WBP2: variants seen among roughly 807,000 people sequenced by gnomAD.
WBP2 encodes WW domain binding protein 2.
In WBP2, 23 loss-of-function variants were observed where a neutral mutation model predicts 33.0. That is an observed-to-expected ratio of 0.70 (90% confidence interval 0.50 to 0.99). The LOEUF is 0.99. Ranked by LOEUF, WBP2 falls within the 50% of genes least tolerant of loss-of-function variation. The pLI, the probability that WBP2 is intolerant of heterozygous loss-of-function variation, is 0.00. For missense variants in WBP2, 353 were observed against 358.0 expected, an observed-to-expected ratio of 0.99 and a Z score of 0.11; for synonymous variants, 153 against 133.5, an observed-to-expected ratio of 1.15 and a Z score of -1.01.
upstream of WBP2, chr17:75,855,459 C>T (rs879720622): frequency 1.4e-6 from 1 of 701,866 alleles, no homozygotes; most frequent in Non-Finnish European, 2.5e-6. Flanking sequence ...ATAGTTTACT[C>T]CCTCCTTCCA....
intron 2 of WBP2, chr17:75,851,159 G>GC: frequency 5.7e-6 from 1 of 175,138 alleles, no homozygotes; most frequent in Non-Finnish European, 1.3e-5. Context: ...TCTCTGCCCA[G>GC]TCCGGAGGCC....
At chr17:75,855,344 G>T (rs771302075), upstream of WBP2, 1 of 1,598,294 alleles carries the variant, frequency 6.3e-7, no homozygotes, top group Non-Finnish European at 8.5e-7. Flanking sequence ...ATGAGCTTGC[G>T]CCCCTCTTCG....
chr17:75,847,323 G>A, intron 6 of WBP2, 164 bp downstream of exon 6: 1 of 1,177,486 alleles, frequency 8.5e-7, no homozygotes, highest in Non-Finnish European at 1.2e-6. Context: ...CCAGAATCTA[G>A]CTCCGCTCCA....
At chr17:75,854,220 A>G (rs1444449495) in intron 1 of WBP2, among the ~76,000 whole-genome samples, 1 of 152,132 alleles carries the variant, frequency 6.6e-6, no homozygotes, top group Non-Finnish European at 1.5e-5. Context: ...CCCAAGTCAC[A>G]GGGCAGCTGG....
At chr17:75,855,455 T>C, upstream of WBP2, 1 of 716,120 alleles carries the variant, frequency 1.4e-6, no homozygotes, top group South Asian at 1.6e-5. Flanking sequence ...GGTAATAGTT[T>C]ACTCCCTCCT....
chr17:75,849,524 C>G, intron 3 of WBP2, 80 bp downstream of exon 3: 5 of 1,554,978 alleles, frequency 3.2e-6, no homozygotes, highest in Non-Finnish European at 4.4e-6. Flanking sequence ...CTGAAGGGGA[C>G]GCCCCCACGG....
intron 4 of WBP2, chr17:75,848,227 T>C: frequency 1.7e-6 from 1 of 584,746 alleles, no homozygotes; most frequent in Non-Finnish European, 3.1e-6. Flanking sequence ...GCGGAGGATG[T>C]CTGCTGGCCC....
intron 2 of WBP2, chr17:75,851,247 AAAC>A: frequency 4.2e-6 from 1 of 240,536 alleles, no homozygotes; most frequent in Non-Finnish European, 8.7e-6. Flanking sequence ...CTCTCACAGA[AAAC>A]AAAATATTAA....
chr17:75,851,660 C>G lies in WBP2; in HGVS notation c.76G>C (p.Asp26His). ...TCATTGAATGTGAGTTCCACGTGATCATAGGACATTAGGATGCTGTGATGA... is the reference window on the plus strand; with the variant it reads ...TCATTGAATGTGAGTTCCACGTGATGATAGGACATTAGGATGCTGTGATGA... ...NNTESILMSY[D>H]HVELTFNDMK... is the part of the protein sequence containing the mutation. Residue 26 changes from aspartate (D) to histidine (H), a missense_variant, in exon 2 of 8, where the codon GAT becomes CAT. By Grantham distance (81) the Asp-to-His change is moderately conservative. Transcript: ENST00000254806. The G allele has an allele frequency of 6.2e-7, 1 of 1,613,282 alleles. No homozygotes were observed. The highest frequency in any genetic ancestry group is 1.1e-5 in the South Asian group (1 of 91,032).
upstream of WBP2, among the ~76,000 whole-genome samples, chr17:75,855,690 C>T (rs991249798): frequency 6.6e-4 from 101 of 152,366 alleles, 1 homozygote; most frequent in African/African-American, 2.0e-3. Flanking sequence ...CCGCTCCTGG[C>T]AGGGGCGCGA....
In WBP2 at chr17:75,845,796, C is replaced by T. The variant is rs1423078286; in HGVS notation, c.*938G>A. On this transcript the variant is annotated 3_prime_UTR_variant, in exon 8 of 8. Transcript: ENST00000254806. ...TTAATATATTAACTGGATTTTTTGT[C>T]AAATAAATAGGGAATTCTCTTTAAA... 1 of 152,514 alleles carries T rather than the reference C, an allele frequency of 6.6e-6. No homozygotes were observed. The highest frequency in any genetic ancestry group is 1.5e-5 in the Non-Finnish European group (1 of 68,028). The allele number at this position is 152,514 out of a possible 1,614,324, so 9.4% of individuals were successfully genotyped here.
chr17:75,847,293 G>T, intron 6 of WBP2, 194 bp downstream of exon 6: 1 of 916,686 alleles, frequency 1.1e-6, no homozygotes. Flanking sequence ...CACATGGATA[G>T]CTAAGGGATG....
rs1187234035 is a variant in WBP2 at position 75,845,836 on chromosome 17, C to T, written c.*898G>A. 6.6e-6 allele frequency: 1 copy of T among 152,528 alleles called. No individual in the cohort carries two copies. Among genetic ancestry groups the T allele is most frequent in the Non-Finnish European group, 1.5e-5 (1 of 68,068 alleles). The allele number at this position is 152,528 out of a possible 1,614,324, so 9.4% of individuals were successfully genotyped here. A position where few individuals can be genotyped will look rare whatever the true frequency, so the allele number is the denominator to read the frequency against. ...TTCTCTTTAAATAACCATCTCCTCA[C>T]TTCATGGCCAGTCCAGGGACAAACA... is the stretch of plus-strand genomic sequence containing the variant. On this transcript the variant is annotated 3_prime_UTR_variant, in exon 8 of 8. Coordinates refer to ENST00000254806, the MANE Select transcript of WBP2 (RefSeq NM_012478.4).
chr17:75,855,263 C>T lies in WBP2; in HGVS notation c.35G>A (p.Gly12Glu), dbSNP rs1305432376. 6.2e-7 allele frequency: 1 copy of T among 1,607,546 alleles called. No individual in the cohort carries two copies. The highest frequency in any genetic ancestry group is 1.7e-5 in the Admixed American group (1 of 59,700). ...CCTCTCGGTGTTATTGACGATCACT[C>T]CGCCGCCCTCCGAGTGATTCTTGTT... is the stretch of plus-strand genomic sequence containing the variant. ...ALNKNHSEGG[G>E]VIVNNTESIL... is the part of the protein sequence containing the mutation. Residue 12 changes from glycine (G) to glutamate (E), a missense_variant, in exon 1 of 8, where the codon GGA becomes GAA. By Grantham distance (98) the Gly-to-Glu change is moderately conservative. Transcript: ENST00000254806.
intron 1 of WBP2, 27 bp downstream of exon 1, chr17:75,855,212 T>C (rs1348938186): frequency 1.3e-5 from 18 of 1,390,264 alleles, no homozygotes; most frequent in Non-Finnish European, 1.5e-5. Context: ...ACTTTGGTCC[T>C]CCAGGATCCT....
In WBP2 at chr17:75,845,875, G is replaced by T. The variant is rs1399838966; in HGVS notation, c.*859C>A. The T allele has an allele frequency of 1.3e-5, 2 of 152,610 alleles. No homozygotes were observed. The highest frequency in any genetic ancestry group is 1.3e-4 in the Admixed American group (2 of 15,290). 9.5% of individuals were successfully genotyped at this position (152,610 alleles called of 1,614,324 possible). ...CAGGGACAAACAAGAGTGAATGTTA[G>T]CGCATCCAGGGGCACAAAGCTTAAG... is the stretch of plus-strand genomic sequence containing the variant. On this transcript the variant is annotated 3_prime_UTR_variant, in exon 8 of 8. Coordinates refer to ENST00000254806, the MANE Select transcript of WBP2 (RefSeq NM_012478.4).
intron 5 of WBP2, 56 bp from the exon 6 acceptor site, chr17:75,847,665 C>T (rs1044700335): frequency 1.7e-5 from 28 of 1,609,010 alleles, no homozygotes; most frequent in African/African-American, 1.1e-4. Flanking sequence ...GGCCCCCTCC[C>T]GGGTGAGGGG....
chr17:75,855,164 A>ACCCCCCCCCC, intron 1 of WBP2, 75 bp downstream of exon 1: 4 of 274,586 alleles, frequency 1.5e-5, no homozygotes, highest in African/African-American at 7.3e-5. Context: ...CTTATTCCCC[A>ACCCCCCCCCC]CCACCCACCA....
At chr17:75,851,709 G>A in intron 1 of WBP2, 33 bp from the exon 2 acceptor site, 1 of 1,558,612 alleles carries the variant, frequency 6.4e-7, no homozygotes, top group Non-Finnish European at 8.8e-7. Context: ...GCCTCAATGA[G>A]ACAGTATGGA....
Sources: gnomAD v4.1 joint callset for allele counts (sites outside exome capture counted in the v4.1 genomes callset) on GRCh38, gnomAD v4.1.1 for gene constraint, MANE v1.5 for transcripts, NCBI Gene and HGNC (gene_info 2026-07-23, HGNC 2026-07-21) for gene names.